The following AJAP1 variants were observed in gnomAD, a reference collection of about 807,000 sequenced individuals.
AJAP1 encodes the protein adherens junction-associated protein 1.
Under a neutral mutation model 35.0 loss-of-function variants are expected in AJAP1, and 5 were observed. That is an observed-to-expected ratio of 0.14 (90% CI 0.07 to 0.30). The LOEUF (loss-of-function observed/expected upper bound fraction) is 0.30, where lower values mean the gene tolerates loss of function less well. AJAP1 is among the 10% of genes least tolerant of loss of function. AJAP1 has a pLI of 1.00. For missense variants in AJAP1, 586 were observed against 571.0 expected, an observed-to-expected ratio of 1.03 and a Z score of -0.27; for synonymous variants, 284 against 249.3, an observed-to-expected ratio of 1.14 and a Z score of -1.31.
At chr1:4,719,616 C>T (rs1000660946) in intron 2 of AJAP1, among the ~76,000 whole-genome samples, 1 of 152,076 alleles carries the variant, frequency 6.6e-6, no homozygotes, top group African/African-American at 2.4e-5. Flanking sequence ...TGGAGGGAGC[C>T]AGGCCAGGCC....
chr1:4,758,065 T>C (rs1379810342), intron 2 of AJAP1, among the ~76,000 whole-genome samples: 1 of 152,180 alleles, frequency 6.6e-6, no homozygotes, highest in Admixed American at 6.5e-5. Context: ...GCACTTGTCT[T>C]TCCTGCCGCC....
chr1:4,708,332 G>A (rs1022504665), intron 1 of AJAP1, among the ~76,000 whole-genome samples: 3 of 152,124 alleles, frequency 2.0e-5, no homozygotes, highest in African/African-American at 7.2e-5. Flanking sequence ...ACTTCTGCCT[G>A]CCCCACAGCC....
intron 2 of AJAP1, among the ~76,000 whole-genome samples, chr1:4,769,109 G>A (rs993867124): frequency 4.5e-4 from 69 of 152,248 alleles, no homozygotes; most frequent in African/African-American, 1.5e-3. Context: ...CTGTCCTGCC[G>A]ATTCCAGTGC....
chr1:4,772,616 G>A, intron 4 of AJAP1, 91 bp downstream of exon 4: 1 of 1,535,142 alleles, frequency 6.5e-7, no homozygotes, highest in Non-Finnish European at 8.8e-7. Flanking sequence ...AGAGCTGTTG[G>A]TCGGTTTAGG....
chr1:4,670,987 A>G (rs1425189390), intron 1 of AJAP1, among the ~76,000 whole-genome samples: 1 of 152,232 alleles, frequency 6.6e-6, no homozygotes, highest in Admixed American at 6.5e-5. Flanking sequence ...ATTTGCTATC[A>G]TGCAAGTCAT....
intron 1 of AJAP1, among the ~76,000 whole-genome samples, chr1:4,659,521 A>T (rs1638956732): frequency 6.6e-6 from 1 of 151,784 alleles, no homozygotes; most frequent in South Asian, 2.1e-4. Flanking sequence ...ATTCAGATTA[A>T]CTCTCAGTTA....
At position 4,787,114 on chromosome 1, in the gene AJAP1, G is replaced by GTC. The variant is rs1642171175; in HGVS notation, c.*4630_*4631dup. On this transcript the variant is annotated 3_prime_UTR_variant, in exon 6 of 6. Transcript: ENST00000378191. ...CTGCATCACCATAATGAACCGATCA[G>GTC]TCATTCATCCTCTTATTCAACAAAT... 1.3e-5 allele frequency: 2 copies of GTC among 152,796 alleles called. No individual in the cohort carries two copies. The highest frequency in any genetic ancestry group is 4.8e-5 in the African/African-American group (2 of 41,466). 9.5% of individuals were successfully genotyped at this position (152,796 alleles called of 1,614,324 possible).
intron 1 of AJAP1, among the ~76,000 whole-genome samples, chr1:4,696,931 G>A (rs768081541): frequency 2.6e-5 from 4 of 151,904 alleles, no homozygotes; most frequent in South Asian, 2.1e-4. Context: ...TTCTGTGTGC[G>A]TGTGTGTCTC....
intron 1 of AJAP1, among the ~76,000 whole-genome samples, chr1:4,663,799 GTTC>G (rs1331138543): frequency 6.6e-6 from 1 of 152,160 alleles, no homozygotes; most frequent in Non-Finnish European, 1.5e-5. Context: ...AGGATTCTGA[GTTC>G]TTCTGGGGAT....
chr1:4,774,459 T>C lies in AJAP1; in HGVS notation c.1196T>C (p.Val399Ala), dbSNP rs772423257. The change falls in exon 5 of 6, where the codon GTG becomes GCG. Residue 399 changes from valine to alanine, a missense_variant. Transcript: ENST00000378191. ...TCTTCTGATCGGCATCTTATTCCTG[T>C]GGCCTTCGTGTCTGAGAAATGGTTT... Reference protein sequence around the residue: ...PSSSDRHLIPVAFVSEKWFEI... With the variant: ...PSSSDRHLIPAAFVSEKWFEI... 26 of 1,614,136 alleles carry C rather than the reference T, an allele frequency of 1.6e-5. No homozygotes were observed. Among genetic ancestry groups the C allele is most frequent in the Non-Finnish European group, 5.1e-6 (6 of 1,180,054 alleles).
rs780205276 is a variant in AJAP1 at position 4,711,852 on chromosome 1, C to G, written c.30-48C>G. The G allele has an allele frequency of 3.6e-6, 5 of 1,395,392 alleles. No homozygotes were observed. The East Asian group carries it at 8.3e-5, about 23-fold the overall frequency. 86.4% of individuals were successfully genotyped at this position (1,395,392 alleles called of 1,614,324 possible). A position where few individuals can be genotyped will look rare whatever the true frequency, so the allele number is the denominator to read the frequency against. On this transcript the variant is annotated intron_variant, in intron 1 of 5. Transcript: ENST00000378191. The stretch of plus-strand genomic sequence containing the variant: ...GAGAGGGCCCCGGGGCCCAGTCCCC[C>G]TCCTGGGCTTCCACTGACCGCTCTT...
chr1:4,683,525 A>G lies in AJAP1; in HGVS notation c.29+28071A>G, dbSNP rs551799959. ...TCAGTGGGTCCACTGGGACGTTGAT[A>G]TATGGGAAAGGCAAATGTGACCTCA... On this transcript the variant is annotated intron_variant, in intron 1 of 5. Transcript: ENST00000378191. Among the ~76,000 whole-genome samples, 15 of 152,362 alleles carry G rather than the reference A, an allele frequency of 9.8e-5. No individual in the cohort carries two copies. The East Asian group carries it at 1.7e-3, about 18-fold the overall frequency.
rs562829304 is a variant in AJAP1, at chr1:4,786,093, C to T, written c.*3608C>T. The T allele has an allele frequency of 6.6e-6, 1 of 152,294 alleles. No individual in the cohort carries two copies. The highest frequency in any genetic ancestry group is 2.1e-4 in the South Asian group (1 of 4,814). The allele number at this position is 152,294 out of a possible 1,614,324, so 9.4% of individuals were successfully genotyped here. ...TCCAGGCATGGTCAGGGAGCTTCCC[C>T]ACCGTTTCCCATTGGGCTCAGATTC... On this transcript the variant is annotated 3_prime_UTR_variant, in exon 6 of 6. Transcript: ENST00000378191.
intron 1 of AJAP1, among the ~76,000 whole-genome samples, chr1:4,679,808 G>GGGGTGTGTGT (rs71580281): frequency 1.4e-5 from 2 of 142,422 alleles, no homozygotes; most frequent in Admixed American, 7.0e-5. Flanking sequence ...GAACCAATAG[G>GGGGTGTGTGT]GTGTGTGTGT....
intron 1 of AJAP1, among the ~76,000 whole-genome samples, chr1:4,659,431 T>A (rs958544503): frequency 1.3e-5 from 2 of 152,158 alleles, no homozygotes; most frequent in Admixed American, 6.6e-5. Context: ...CATTCTTTCT[T>A]CCTCTGAGAC....
chr1:4,704,989 C>G (rs571431785), intron 1 of AJAP1, among the ~76,000 whole-genome samples: 1 of 152,166 alleles, frequency 6.6e-6, no homozygotes, highest in African/African-American at 2.4e-5. Flanking sequence ...CCTTCACCCA[C>G]TTTTTGATGG....
At position 4,711,946 on chromosome 1, in the gene AJAP1, TG is replaced by T; in HGVS notation, c.78del (p.Trp26Ter). On this transcript the variant is annotated frameshift_variant, in exon 2 of 6. Coordinates refer to ENST00000378191, the MANE Select transcript of AJAP1 (RefSeq NM_018836.4). LOFTEE classifies it high-confidence loss of function. ...WPGRPLGSHAWILIAMFQLAV... is the reference protein window; with the variant it reads ...WPGRPLGSHAXILIAMFQLAV... ...GGGCCGCCCCCTCGGAAGCCATGCC[TG>T]GATACTGATAGCCATGTTTCAGCTC... The T allele has an allele frequency of 6.4e-7, 1 of 1,565,858 alleles. No individual in the cohort carries two copies. Among genetic ancestry groups the T allele is most frequent in the Admixed American group, 2.0e-5 (1 of 50,896 alleles).
chr1:4,735,231 G>A (rs1053465196), intron 2 of AJAP1, among the ~76,000 whole-genome samples: 7 of 152,234 alleles, frequency 4.6e-5, no homozygotes, highest in Non-Finnish European at 8.8e-5. Context: ...AGCATACTGG[G>A]CTGAAGTCAC....
chr1:4,707,825 G>A (rs1424994607), intron 1 of AJAP1, among the ~76,000 whole-genome samples: 2 of 151,856 alleles, frequency 1.3e-5, no homozygotes, highest in Admixed American at 1.3e-4. Flanking sequence ...TTGCCAAACT[G>A]TTTTGCCCAG....
Sources: gnomAD v4.1 joint callset for allele counts (sites outside exome capture counted in the v4.1 genomes callset) on GRCh38, gnomAD v4.1.1 for gene constraint, MANE v1.5 for transcripts, NCBI Gene and HGNC (gene_info 2026-07-23, HGNC 2026-07-21) for gene names.